Variants in RGPD1 observed in about 807,000 individuals in gnomAD.
The protein encoded by RGPD1 is RANBP2 like and GRIP domain containing 1.
Under a neutral mutation model 40.6 loss-of-function variants are expected in RGPD1, and 7 were observed. That is an observed-to-expected ratio of 0.17 (90% CI 0.10 to 0.32). RGPD1 has a LOEUF of 0.32. Among genes scored for constraint, RGPD1 ranks in the 10% least tolerant of loss-of-function variants. The probability of loss-of-function intolerance (pLI) is 1.00; values close to 1 mark genes in which losing one functional copy is unlikely to be tolerated. For synonymous variants in RGPD1, 24 were observed against 167.0 expected (o/e 0.14, Z 6.60); for missense variants, 50 against 472.5 (o/e 0.11, Z 8.29).
At chr2:86,925,779 A>G (rs1451118380) in intron 1 of RGPD1, among the ~76,000 whole-genome samples, 1 of 152,106 alleles carries the variant, frequency 6.6e-6, no homozygotes, top group African/African-American at 2.4e-5. Flanking sequence ...CTGTATGCCT[A>G]GGCTGGTCTC....
intron 1 of RGPD1, among the ~76,000 whole-genome samples, chr2:86,928,793 A>G (rs1317764606): frequency 6.6e-6 from 1 of 152,222 alleles, no homozygotes; most frequent in African/African-American, 2.4e-5. Context: ...AATATCTGGA[A>G]TTCTTAGCTG....
intron 1 of RGPD1, among the ~76,000 whole-genome samples, chr2:86,931,174 C>A (rs1161318185): frequency 6.8e-6 from 1 of 146,152 alleles, no homozygotes; most frequent in Admixed American, 6.8e-5. Context: ...CAGTTACTTA[C>A]ATCAATCTGC....
intron 1 of RGPD1, among the ~76,000 whole-genome samples, chr2:86,920,144 A>C (rs1169319552): frequency 6.6e-6 from 1 of 151,870 alleles, no homozygotes; most frequent in Non-Finnish European, 1.5e-5. Flanking sequence ...ATCCTGGCTC[A>C]TTACAACCTC....
At chr2:86,941,361 T>C (rs1186414947), upstream of RGPD1, among the ~76,000 whole-genome samples, 2 of 151,056 alleles carry the variant, frequency 1.3e-5, no homozygotes, top group East Asian at 3.9e-4. Flanking sequence ...TAGTGAAATA[T>C]ATATAGATTT....
intron 1 of RGPD1, among the ~76,000 whole-genome samples, chr2:86,931,701 A>G (rs1678977854): frequency 1.3e-5 from 2 of 148,688 alleles, no homozygotes; most frequent in Non-Finnish European, 3.0e-5. Context: ...AATGGCAAAT[A>G]AATAAATAAT....
At chr2:86,927,027 C>G (rs998641687) in intron 1 of RGPD1, among the ~76,000 whole-genome samples, 23 of 152,122 alleles carry the variant, frequency 1.5e-4, no homozygotes, top group African/African-American at 5.6e-4. Flanking sequence ...GGTTAATGCT[C>G]TTCCCATTTT....
At chr2:87,007,562 A>G (rs1346207772) in intron 22 of RGPD1, among the ~76,000 whole-genome samples, 1 of 150,494 alleles carries the variant, frequency 6.6e-6, no homozygotes, top group African/African-American at 2.4e-5. Context: ...TATTTTTAGC[A>G]GAGATGGGGT....
intron 1 of RGPD1, among the ~76,000 whole-genome samples, chr2:86,945,657 A>G (rs28416556): frequency 6.9e-4 from 105 of 151,976 alleles, no homozygotes; most frequent in African/African-American, 9.2e-4. Context: ...TCTGTAATCC[A>G]AGCACTTTGG....
At chr2:86,947,790 G>A (rs544511625) in intron 1 of RGPD1, among the ~76,000 whole-genome samples, 38 of 129,384 alleles carry the variant, frequency 2.9e-4, no homozygotes, top group Non-Finnish European at 3.4e-4. Flanking sequence ...GTATAATCAC[G>A]GCCTTCACCC....
chr2:86,928,371 G>T (rs1232486248), intron 1 of RGPD1, among the ~76,000 whole-genome samples: 1 of 152,120 alleles, frequency 6.6e-6, no homozygotes, highest in Non-Finnish European at 1.5e-5. Flanking sequence ...GGGGTAATAG[G>T]CAATTGTATA....
At chr2:86,944,174 A>G (rs1415425684) in intron 1 of RGPD1, among the ~76,000 whole-genome samples, 1 of 152,196 alleles carries the variant, frequency 6.6e-6, no homozygotes, top group Admixed American at 6.5e-5. Flanking sequence ...ATACTTGTTC[A>G]GGGTGAAATA....
At chr2:86,925,987 AT>A (rs1210543679) in intron 1 of RGPD1, among the ~76,000 whole-genome samples, 2 of 152,088 alleles carry the variant, frequency 1.3e-5, no homozygotes, top group Admixed American at 1.3e-4. Context: ...AAAACATTGT[AT>A]TTTATAAAAT....
At chr2:86,939,700 A>G (rs2104747664), upstream of RGPD1, among the ~76,000 whole-genome samples, 1 of 127,966 alleles carries the variant, frequency 7.8e-6, no homozygotes, top group African/African-American at 3.0e-5. Flanking sequence ...TGTTTGGGCA[A>G]GTTGCTTCAG....
chr2:86,924,907 C>A (rs1678359777), intron 1 of RGPD1, among the ~76,000 whole-genome samples: 1 of 150,298 alleles, frequency 6.7e-6, no homozygotes, highest in African/African-American at 2.4e-5. Flanking sequence ...TGCTTCAGCC[C>A]AGGAGACCAG....
chr2:87,007,765 T>C (rs1176841018), intron 22 of RGPD1, among the ~76,000 whole-genome samples: 1 of 150,944 alleles, frequency 6.6e-6, no homozygotes, highest in Non-Finnish European at 1.5e-5. Flanking sequence ...TTACCTACTC[T>C]TGAAGAGTAG....
At chr2:86,951,873 GTTTTTTTT>G (rs71269535) in intron 2 of RGPD1, among the ~76,000 whole-genome samples, 1 of 50,960 alleles carries the variant, frequency 2.0e-5, no homozygotes, top group Non-Finnish European at 3.1e-5. Context: ...GGGAGGCAGG[GTTTTTTTT>G]TTTTTTTTTT....
upstream of RGPD1, among the ~76,000 whole-genome samples, chr2:86,940,649 G>T (rs1053020262): frequency 6.6e-6 from 1 of 151,108 alleles, no homozygotes; most frequent in Non-Finnish European, 1.5e-5. Flanking sequence ...AGGCTGGAGT[G>T]CAAAGGCATG....
chr2:86,926,980 A>T (rs1415983489), intron 1 of RGPD1, among the ~76,000 whole-genome samples: 2 of 152,152 alleles, frequency 1.3e-5, no homozygotes, highest in Non-Finnish European at 2.9e-5. Flanking sequence ...CTTCATTTTG[A>T]ATAAAACCTT....
rs527537485 is a variant in RGPD1, at chr2:86,930,406, G to A, written c.72+16485G>A. The stretch of plus-strand genomic sequence containing the variant: ...GGGGGCTTGAAGGTGCTGAGGAGGC[G>A]AAGGTCAAGCAGTGAACCGGTAGGG... On this transcript the variant is annotated intron_variant, in intron 1 of 22. Coordinates refer to the RGPD1 transcript ENST00000398193. 1,726 of 1,435,030 alleles carry A rather than the reference G, an allele frequency of 1.2e-3. 57 individuals are homozygous for A. The highest frequency in any genetic ancestry group is 1.5e-3 in the Non-Finnish European group (1,578 of 1,036,124). The allele number at this position is 1,435,030 out of a possible 1,614,324, so 88.9% of individuals were successfully genotyped here.
Sources: gnomAD v4.1 joint callset for allele counts (sites outside exome capture counted in the v4.1 genomes callset) on GRCh38, gnomAD v4.1.1 for gene constraint, MANE v1.5 for transcripts, NCBI Gene and HGNC (gene_info 2026-07-23, HGNC 2026-07-21) for gene names.